Variants in NPAS3 observed in about 807,000 individuals in gnomAD.
NPAS3 encodes the protein neuronal PAS domain-containing protein 3.
Under a neutral mutation model 73.1 loss-of-function variants are expected in NPAS3, and 14 were observed. The observed-to-expected ratio is 0.19, with a 90% CI of 0.13 to 0.30. The LOEUF is 0.30. Ranked by LOEUF, NPAS3 falls within the 10% of genes least tolerant of loss-of-function variation. The pLI, the probability that NPAS3 is intolerant of heterozygous loss-of-function variation, is 1.00. For missense variants in NPAS3, 1,096 were observed against 1,250.0 expected (o/e 0.88, Z 1.86); for synonymous variants, 620 against 541.5 (o/e 1.14, Z -2.01).
intron 6 of NPAS3, among the ~76,000 whole-genome samples, chr14:33,734,174 G>A (rs1012108619): frequency 2.0e-5 from 3 of 151,960 alleles, no homozygotes; most frequent in South Asian, 4.2e-4. Context: ...ACGACTACTC[G>A]AAAGAAATCC....
chr14:33,680,532 G>C, intron 6 of NPAS3: 1 of 698,148 alleles, frequency 1.4e-6, no homozygotes. Flanking sequence ...AGATTGTAAT[G>C]CATATACTTC....
At chr14:33,513,114 G>A (rs1007373992) in intron 4 of NPAS3, among the ~76,000 whole-genome samples, 13 of 151,974 alleles carry the variant, frequency 8.6e-5, no homozygotes, top group Non-Finnish European at 1.8e-4. Context: ...CGTTAGGACC[G>A]TTCACTCATT....
chr14:33,678,307 T>C (rs1183863265), intron 6 of NPAS3, among the ~76,000 whole-genome samples: 1 of 152,134 alleles, frequency 6.6e-6, no homozygotes, highest in Non-Finnish European at 1.5e-5. Context: ...TCGCTGCAAC[T>C]TCCCACTGAT....
intron 4 of NPAS3, among the ~76,000 whole-genome samples, chr14:33,390,524 A>C (rs1309128193): frequency 6.6e-6 from 1 of 152,214 alleles, no homozygotes; most frequent in African/African-American, 2.4e-5. Context: ...AAGACACCTC[A>C]TCCCCCTATT....
At chr14:33,081,830 A>G (rs1201972320) in intron 2 of NPAS3, among the ~76,000 whole-genome samples, 1 of 152,194 alleles carries the variant, frequency 6.6e-6, no homozygotes, top group African/African-American at 2.4e-5. Context: ...ACCACTTTGT[A>G]TGACAATCCT....
intron 8 of NPAS3, among the ~76,000 whole-genome samples, chr14:33,777,218 G>A (rs2062847810): frequency 6.6e-6 from 1 of 152,136 alleles, no homozygotes; most frequent in Non-Finnish European, 1.5e-5. Flanking sequence ...GGGTTTAACT[G>A]TGCTTGGAAG....
chr14:33,166,307 C>G (rs2045145482), intron 2 of NPAS3, among the ~76,000 whole-genome samples: 1 of 152,186 alleles, frequency 6.6e-6, no homozygotes, highest in Non-Finnish European at 1.5e-5. Context: ...CTGACCCCAG[C>G]AGCAGAGATT....
chr14:33,321,937 A>G (rs752354220), intron 3 of NPAS3, among the ~76,000 whole-genome samples: 2 of 152,154 alleles, frequency 1.3e-5, no homozygotes, highest in East Asian at 1.9e-4. Context: ...ATTTAGACAG[A>G]TAAGAGGTGG....
chr14:33,685,999 CTATTTATACA>C (rs1281159947), intron 6 of NPAS3, among the ~76,000 whole-genome samples: 1 of 152,192 alleles, frequency 6.6e-6, no homozygotes, highest in African/African-American at 2.4e-5. Flanking sequence ...TTATCATAGA[CTATTTATACA>C]TAGTCGACAA....
At chr14:33,242,119 T>C (rs2139834068) in intron 3 of NPAS3, among the ~76,000 whole-genome samples, 1 of 152,164 alleles carries the variant, frequency 6.6e-6, no homozygotes, top group East Asian at 1.9e-4. Context: ...TTTGGCTATC[T>C]TATGATTCTT....
At chr14:33,247,244 T>G (rs1163400567) in intron 3 of NPAS3, among the ~76,000 whole-genome samples, 1 of 152,180 alleles carries the variant, frequency 6.6e-6, no homozygotes, top group East Asian at 1.9e-4. Flanking sequence ...TTAATTTTAA[T>G]TTTTTTAGCA....
intron 2 of NPAS3, among the ~76,000 whole-genome samples, chr14:33,091,783 G>A (rs1339495115): frequency 6.6e-6 from 1 of 152,044 alleles, no homozygotes; most frequent in Non-Finnish European, 1.5e-5. Flanking sequence ...GTGATCAAGT[G>A]GGCTTCATCC....
intron 3 of NPAS3, among the ~76,000 whole-genome samples, chr14:33,329,501 C>T (rs559141134): frequency 7.9e-5 from 12 of 152,134 alleles, no homozygotes; most frequent in South Asian, 2.1e-4. Flanking sequence ...ACAAAGCAGC[C>T]GAGGGGAAGC....
chr14:33,448,097 A>G (rs895603765), intron 4 of NPAS3, among the ~76,000 whole-genome samples: 1 of 152,192 alleles, frequency 6.6e-6, no homozygotes, highest in African/African-American at 2.4e-5. Context: ...GATGGAGAAG[A>G]TTATTAATTC....
At chr14:33,280,010 A>G (rs898119787) in intron 3 of NPAS3, among the ~76,000 whole-genome samples, 2 of 152,192 alleles carry the variant, frequency 1.3e-5, no homozygotes, top group African/African-American at 4.8e-5. Flanking sequence ...CAAATGTCAG[A>G]AGCTCTGCAG....
chr14:33,099,120 C>T (rs74363932), intron 2 of NPAS3, among the ~76,000 whole-genome samples: 2,132 of 152,304 alleles, frequency 0.014, 48 homozygotes, highest in African/African-American at 0.048. Context: ...AGAACAATAG[C>T]AGTTTCCCGA....
chr14:32,934,967 C>A, upstream of NPAS3: 2 of 1,316,220 alleles, frequency 1.5e-6, no homozygotes, highest in Non-Finnish European at 2.0e-6. The surrounding 1 kb of genome is among the most constrained non-coding windows in gnomAD (Gnocchi z 4.1). Flanking sequence ...AACGGCACCC[C>A]GCAGAACGTC....
chr14:33,269,296 C>T (rs1243970042), intron 3 of NPAS3, among the ~76,000 whole-genome samples: 2 of 152,088 alleles, frequency 1.3e-5, no homozygotes, highest in Non-Finnish European at 2.9e-5. Flanking sequence ...AAGTTGGTAC[C>T]TTGTTGTCTT....
intron 4 of NPAS3, among the ~76,000 whole-genome samples, chr14:33,515,414 A>T (rs2053251020): frequency 6.6e-6 from 1 of 152,104 alleles, no homozygotes; most frequent in African/African-American, 2.4e-5. Flanking sequence ...AATGGCAGTT[A>T]TTAATGAGAC....
Sources: allele counts gnomAD v4.1 joint callset (sites outside exome capture counted in the v4.1 genomes callset), GRCh38; gene constraint gnomAD v4.1.1; non-coding constraint Gnocchi (gnomAD v3.1); transcripts MANE v1.5; gene names NCBI Gene and HGNC (gene_info 2026-07-23, HGNC 2026-07-21).